The following RPS6KA2 variants were observed in gnomAD, a reference collection of about 807,000 sequenced individuals.
RPS6KA2 encodes the protein ribosomal protein S6 kinase A2.
RPS6KA2 carries 42 observed loss-of-function variants against 91.8 expected under a neutral mutation model. The observed-to-expected ratio is 0.46, with a 90% CI of 0.36 to 0.59. The LOEUF (loss-of-function observed/expected upper bound fraction) is 0.59, where lower values mean the gene tolerates loss of function less well. RPS6KA2 is among the 20% of genes least tolerant of loss of function. The pLI is 0.00. For synonymous variants in RPS6KA2, 414 were observed against 393.6 expected (o/e 1.05, Z -0.61); for missense variants, 798 against 978.5 (o/e 0.82, Z 2.46).
chr6:166,788,724 T>C (rs9459755), intron 2 of RPS6KA2, among the ~76,000 whole-genome samples: 21,751 of 152,020 alleles, frequency 0.14, 2,000 homozygotes, highest in Middle Eastern at 0.21. Flanking sequence ...TCAGGACAAA[T>C]ACCTAATGCA....
chr6:166,659,493 A>G (rs1788097101), intron 2 of RPS6KA2, among the ~76,000 whole-genome samples: 1 of 152,206 alleles, frequency 6.6e-6, no homozygotes, highest in South Asian at 2.1e-4. Flanking sequence ...ACCTGGAAAG[A>G]AAGTATTTGC....
At chr6:166,670,908 C>T (rs773212934) in intron 2 of RPS6KA2, among the ~76,000 whole-genome samples, 1 of 152,202 alleles carries the variant, frequency 6.6e-6, no homozygotes, top group Non-Finnish European at 1.5e-5. Context: ...GCAACCTCCA[C>T]CTCCCAGGTT....
Position 166,419,861 on chromosome 6 carries a change from C to G in RPS6KA2, c.1820+21G>C. 6.2e-7 allele frequency: 1 copy of G among 1,607,448 alleles called. No individual in the cohort carries two copies. ...GCTGCCCTGTGTCTCCTCCTGACAC[C>G]TGTTTGAGGTGACTGCTTACCCTGC... is the stretch of plus-strand genomic sequence containing the variant. On this transcript the variant is annotated intron_variant, in intron 18 of 20. Transcript: ENST00000265678. This position sits in a 1 kb window ranked among gnomAD's most constrained non-coding sequence, Gnocchi z 5.6.
chr6:166,418,289 C>T lies in RPS6KA2; in HGVS notation c.1874G>A (p.Arg625Gln), dbSNP rs773924400. Residue 625 changes from arginine (R) to glutamine (Q), a missense_variant, in exon 19 of 21, where the codon CGG (arginine) becomes CAG (glutamine). Coordinates refer to ENST00000265678, the MANE Select transcript of RPS6KA2 (RefSeq NM_021135.6). The surrounding 1 kb of genome is among the most constrained non-coding windows in gnomAD (Gnocchi z 4.9). ...PDDTPEEILARIGSGKYALSG... is the reference protein window; with the variant it reads ...PDDTPEEILAQIGSGKYALSG... The stretch of plus-strand genomic sequence containing the variant: ...AAGGGCATACTTCCCACTGCCGATC[C>T]GCGCCAGAATCTCCTCAGGGGTATC... The T allele has an allele frequency of 9.3e-6, 15 of 1,613,960 alleles. No homozygotes were observed. The highest frequency in any genetic ancestry group is 6.7e-5 in the East Asian group (3 of 44,892).
intron 2 of RPS6KA2, among the ~76,000 whole-genome samples, chr6:166,786,023 G>C (rs1471045427): frequency 1.3e-5 from 2 of 152,178 alleles, no homozygotes; most frequent in Non-Finnish European, 2.9e-5. Context: ...AATGTGACCA[G>C]AAAACCATAC....
intron 2 of RPS6KA2, among the ~76,000 whole-genome samples, chr6:166,677,778 T>A (rs1788661133): frequency 6.6e-6 from 1 of 152,064 alleles, no homozygotes; most frequent in East Asian, 1.9e-4. Context: ...TGTGGGTAGG[T>A]GGAGAAGGAG....
upstream of RPS6KA2, chr6:166,627,251 TACCAGCGCCGGCCACGCGCCACGCCTAC>T (rs1170335138): frequency 4.9e-6 from 5 of 1,012,462 alleles, no homozygotes; most frequent in Non-Finnish European, 5.9e-6. Flanking sequence ...CCCCTGCGAG[TACCAGCGCCGGCCACGCGCCACGCCTAC>T]ACCACGCCCA....
rs538504440 is a variant in RPS6KA2, at chr6:166,528,774, A to C, written c.298+2458T>G. ...AAGTGGGCAAAGGATATGAACAGAC[A>C]CCTCTCAAAAGAATACATTTATGCA... On this transcript the variant is annotated intron_variant, in intron 3 of 20. Transcript: ENST00000265678. 5.3e-5 allele frequency among the ~76,000 whole-genome samples: 8 copies of C among 151,966 alleles called. No individual in the cohort carries two copies. In the South Asian group the frequency reaches 1.7e-3, roughly 32 times the overall value.
intron 1 of RPS6KA2, among the ~76,000 whole-genome samples, chr6:166,610,326 C>A (rs547169415): frequency 6.6e-6 from 1 of 152,140 alleles, no homozygotes; most frequent in Non-Finnish European, 1.5e-5. Flanking sequence ...GATAATCCCA[C>A]CAACATAGGC....
intron 1 of RPS6KA2, 39 bp from the exon 2 acceptor site, chr6:166,538,823 G>A (rs2128494746): frequency 9.2e-7 from 1 of 1,089,478 alleles, no homozygotes; most frequent in East Asian, 2.4e-5. Context: ...ACACCGCGAG[G>A]AGTCCCTCAG....
intron 14 of RPS6KA2, among the ~76,000 whole-genome samples, chr6:166,446,927 A>C (rs989636180): frequency 2.0e-5 from 3 of 152,224 alleles, no homozygotes; most frequent in African/African-American, 7.2e-5. Flanking sequence ...CTTACGAAGC[A>C]CATGTGAAAT....
chr6:166,638,437 A>C (rs1787318332), intron 2 of RPS6KA2, among the ~76,000 whole-genome samples: 1 of 152,240 alleles, frequency 6.6e-6, no homozygotes, highest in Non-Finnish European at 1.5e-5. Flanking sequence ...AAGCAGATAA[A>C]AAAATGAACA....
intron 2 of RPS6KA2, among the ~76,000 whole-genome samples, chr6:166,761,581 A>T (rs1231469242): frequency 6.6e-6 from 1 of 152,230 alleles, no homozygotes; most frequent in Admixed American, 6.5e-5. Flanking sequence ...AACAACCACG[A>T]CACAGCGGAA....
At chr6:166,793,907 G>T (rs1230766972) in intron 2 of RPS6KA2, among the ~76,000 whole-genome samples, 1 of 149,776 alleles carries the variant, frequency 6.7e-6, no homozygotes. Context: ...AACCCTAGAA[G>T]AAAACCTAGG....
At chr6:166,567,755 C>T (rs904773765) in intron 1 of RPS6KA2, among the ~76,000 whole-genome samples, 8 of 152,188 alleles carry the variant, frequency 5.3e-5, no homozygotes, top group Non-Finnish European at 8.8e-5. Flanking sequence ...AAAACCTGTT[C>T]GGAGGAAACC....
intron 1 of RPS6KA2, among the ~76,000 whole-genome samples, chr6:166,585,183 G>A (rs553739633): frequency 6.6e-5 from 10 of 152,202 alleles, no homozygotes; most frequent in Non-Finnish European, 1.3e-4. Context: ...CATGAAAAAA[G>A]ATGCAGCTCT....
chr6:166,827,805 G>A (rs1780086361), intron 2 of RPS6KA2, among the ~76,000 whole-genome samples: 2 of 152,216 alleles, frequency 1.3e-5, no homozygotes, highest in Admixed American at 6.5e-5. Flanking sequence ...AACACAAAAT[G>A]TGAAAGCAAA....
At chr6:166,829,489 G>C (rs759752344) in intron 2 of RPS6KA2, among the ~76,000 whole-genome samples, 43 of 149,656 alleles carry the variant, frequency 2.9e-4, no homozygotes, top group Admixed American at 8.7e-4. Context: ...TACTCCAGAG[G>C]CTAAGGAAGG....
chr6:166,416,199 A>ACC, intron 19 of RPS6KA2, among the ~76,000 whole-genome samples: 1 of 150,238 alleles, frequency 6.7e-6, no homozygotes, highest in South Asian at 2.1e-4. Flanking sequence ...TTTCTCCATC[A>ACC]ACCCTACCAT....
Sources: gnomAD v4.1 joint callset for allele counts (sites outside exome capture counted in the v4.1 genomes callset) on GRCh38, gnomAD v4.1.1 for gene constraint, Gnocchi (gnomAD v3.1) non-coding constraint, MANE v1.5 for transcripts, NCBI Gene and HGNC (gene_info 2026-07-23, HGNC 2026-07-21) for gene names.